Variants in RTL4 observed in about 807,000 individuals in gnomAD.
The protein encoded by RTL4 is retrotransposon Gag-like protein 4.
In RTL4, 4 loss-of-function variants were observed where a neutral mutation model predicts 5.3. The ratio of observed to expected loss-of-function variants is 0.75; its 90% CI spans 0.37 to 1.72. The LOEUF is 1.72. Ranked by LOEUF, RTL4 falls within the 40% of genes most tolerant of loss-of-function variation. RTL4 has a pLI of 0.04. For synonymous variants in RTL4, 98 were observed against 87.3 expected (o/e 1.12, Z -0.68); for missense variants, 260 against 227.1 (o/e 1.14, Z -0.93).
At chrX:112,229,748 G>A in the RTL4 span, among the ~76,000 whole-genome samples, 1 of 112,406 alleles carries the variant, frequency 8.9e-6, no homozygotes, top group South Asian at 3.7e-4. Flanking sequence ...CCTTCTAACA[G>A]TCAGGACCCT....
At chrX:112,185,615 TCTCTCTCTCC>T in the RTL4 span, among the ~76,000 whole-genome samples, 1 of 106,934 alleles carries the variant, frequency 9.4e-6, no homozygotes, top group Non-Finnish European at 1.9e-5. Flanking sequence ...GTGGTTAATC[TCTCTCTCTCC>T]CTCTCTCTCT....
At chrX:112,349,186 A>G in the RTL4 span, among the ~76,000 whole-genome samples, 2 of 111,056 alleles carry the variant, frequency 1.8e-5, no homozygotes, top group African/African-American at 6.5e-5. Flanking sequence ...AACTATGAAG[A>G]CTATATAACG....
the RTL4 span, among the ~76,000 whole-genome samples, chrX:112,312,979 C>T: frequency 1.8e-5 from 2 of 110,993 alleles, no homozygotes; most frequent in Non-Finnish European, 3.8e-5. Context: ...GCCTGACCAC[C>T]GTCAGGGAGT....
chrX:112,456,469 T>C (rs1926846327), exon 1 of RTL4: 3 of 305,429 alleles, frequency 9.8e-6, no homozygotes, highest in Non-Finnish European at 1.8e-5. Flanking sequence ...ACAACCCTAC[T>C]TGAGGTTCCA....
chrX:112,274,608 G>A, the RTL4 span, among the ~76,000 whole-genome samples: 1 of 111,472 alleles, frequency 9.0e-6, no homozygotes, highest in African/African-American at 3.3e-5. Context: ...AGGTGGCATT[G>A]TAAAAGACTC....
chrX:112,137,492 T>C, the RTL4 span, among the ~76,000 whole-genome samples: 1 of 111,660 alleles, frequency 9.0e-6, no homozygotes, highest in Non-Finnish European at 1.9e-5. Flanking sequence ...AGAGTGAGTG[T>C]GTGAAGGAGG....
At chrX:112,298,411 A>T in the RTL4 span, among the ~76,000 whole-genome samples, 1 of 112,071 alleles carries the variant, frequency 8.9e-6, no homozygotes, top group Admixed American at 9.5e-5. Flanking sequence ...TCTAAACTAG[A>T]TCCTGAAGAG....
the RTL4 span, among the ~76,000 whole-genome samples, chrX:112,334,386 G>T: frequency 9.0e-6 from 1 of 111,598 alleles, no homozygotes; most frequent in African/African-American, 3.3e-5. Context: ...ACTGTTATCC[G>T]TAGTGGTTGT....
At chrX:112,243,629 A>T in the RTL4 span, among the ~76,000 whole-genome samples, 2 of 110,722 alleles carry the variant, frequency 1.8e-5, no homozygotes, top group South Asian at 7.6e-4. Flanking sequence ...CAATTTTGTT[A>T]ATCTTTTCAA....
chrX:112,256,211 T>C, the RTL4 span, among the ~76,000 whole-genome samples: 1 of 112,265 alleles, frequency 8.9e-6, no homozygotes, highest in African/African-American at 3.2e-5. Flanking sequence ...AAATGTAGTA[T>C]ATATTTGTTC....
chrX:112,194,467 C>A, the RTL4 span, among the ~76,000 whole-genome samples: 1 of 111,487 alleles, frequency 9.0e-6, no homozygotes, highest in African/African-American at 3.3e-5. Context: ...ATGAAGGGAG[C>A]CCTCACCATA....
At chrX:112,234,637 G>A in the RTL4 span, among the ~76,000 whole-genome samples, 24 of 112,003 alleles carry the variant, frequency 2.1e-4, no homozygotes, top group Non-Finnish European at 4.3e-4. Context: ...CCGCCCACCT[G>A]TACGTGCTCC....
chrX:112,278,827 CCA>C, the RTL4 span, among the ~76,000 whole-genome samples: 10 of 109,295 alleles, frequency 9.1e-5, no homozygotes, highest in African/African-American at 3.3e-4. Context: ...TTTCCTCCTC[CCA>C]AAAAAAAAGA....
At chrX:112,273,165 G>T in the RTL4 span, among the ~76,000 whole-genome samples, 1 of 111,300 alleles carries the variant, frequency 9.0e-6, no homozygotes, top group Non-Finnish European at 1.9e-5. Flanking sequence ...TTCCTAGCTG[G>T]GTCACTTTGA....
the RTL4 span, among the ~76,000 whole-genome samples, chrX:112,211,245 G>C: frequency 8.9e-6 from 1 of 112,098 alleles, no homozygotes; most frequent in East Asian, 2.8e-4. Context: ...TTTCATAGCA[G>C]AGCCACAGAG....
At chrX:112,351,218 T>C in the RTL4 span, among the ~76,000 whole-genome samples, 6 of 110,423 alleles carry the variant, frequency 5.4e-5, no homozygotes, top group African/African-American at 1.7e-4. Flanking sequence ...TTGATTGCAC[T>C]GTGGTCTGAG....
chrX:112,352,888 T>A, the RTL4 span, among the ~76,000 whole-genome samples: 2 of 111,499 alleles, frequency 1.8e-5, no homozygotes, highest in African/African-American at 6.5e-5. Context: ...ATCAGAGTGA[T>A]CAGGGAACCT....
At chrX:112,271,502 A>G in the RTL4 span, among the ~76,000 whole-genome samples, 3 of 112,291 alleles carry the variant, frequency 2.7e-5, no homozygotes, top group Non-Finnish European at 5.6e-5. Context: ...TTATTCATTA[A>G]TCATTTAATA....
chrX:112,260,853 C>A, the RTL4 span, among the ~76,000 whole-genome samples: 2 of 111,668 alleles, frequency 1.8e-5, no homozygotes, highest in Non-Finnish European at 3.8e-5. Flanking sequence ...ATAAACAAAC[C>A]CATGAATACC....
Sources: allele counts gnomAD v4.1 joint callset (sites outside exome capture counted in the v4.1 genomes callset), GRCh38; gene constraint gnomAD v4.1.1; transcripts MANE v1.5; gene names NCBI Gene and HGNC (gene_info 2026-07-23, HGNC 2026-07-21).